Variants in PODXL observed in about 807,000 individuals in gnomAD.
The protein encoded by PODXL is podocalyxin.
Under a neutral mutation model 48.9 loss-of-function variants are expected in PODXL, and 20 were observed. The ratio of observed to expected loss-of-function variants is 0.41; its 90% confidence interval spans 0.29 to 0.59. The LOEUF is 0.59. Ranked by LOEUF, PODXL falls within the 20% of genes least tolerant of loss-of-function variation. The pLI is 0.31. For missense variants in PODXL, 606 were observed against 675.1 expected, an observed-to-expected ratio of 0.90 and a Z score of 1.13; for synonymous variants, 295 against 287.4, an observed-to-expected ratio of 1.03 and a Z score of -0.27.
At chr7:131,546,632 G>A (rs1466128589) in intron 1 of PODXL, among the ~76,000 whole-genome samples, 4 of 149,764 alleles carry the variant, frequency 2.7e-5, no homozygotes. Flanking sequence ...AAGCCGAGGT[G>A]AGAGGATCGC....
At chr7:131,536,762 A>T (rs1798381166) in intron 1 of PODXL, among the ~76,000 whole-genome samples, 1 of 152,108 alleles carries the variant, frequency 6.6e-6, no homozygotes, top group Non-Finnish European at 1.5e-5. Flanking sequence ...CTCAGTCAGG[A>T]GGTTCTCAGA....
At chr7:131,554,373 C>T (rs1798712432) in intron 1 of PODXL, among the ~76,000 whole-genome samples, 2 of 152,220 alleles carry the variant, frequency 1.3e-5, no homozygotes, top group African/African-American at 4.8e-5. Context: ...CTAAGTGCTT[C>T]CCAACAGTGC....
rs371937088 is a variant in PODXL, at chr7:131,536,533, A to T, written c.100+19727T>A. On this transcript the variant is annotated intron_variant, in intron 1 of 8. Coordinates refer to ENST00000378555, the MANE Select transcript of PODXL (RefSeq NM_001018111.3). Reference sequence around the variant, plus strand: ...CCTCGGGCCAGCAGCAGCTGGTGTCAGGGCTGGGGTAGAAGTCAGCCAGCA... The same window carrying T: ...CCTCGGGCCAGCAGCAGCTGGTGTCTGGGCTGGGGTAGAAGTCAGCCAGCA... 1.8e-3 allele frequency among the ~76,000 whole-genome samples: 278 copies of T among 152,328 alleles called. 10 individuals are homozygous for T. The South Asian group carries it at 0.056, about 30-fold the overall frequency.
chr7:131,511,474 G>A (rs1433392497), intron 1 of PODXL, 41 bp from the exon 2 acceptor site: 2 of 1,592,538 alleles, frequency 1.3e-6, no homozygotes, highest in African/African-American at 1.3e-5. Context: ...AGGGCTGGGA[G>A]GCTTCCTCAC....
rs113197187 is a variant in PODXL, at chr7:131,542,383, C to T, written c.100+13877G>A. On this transcript the variant is annotated intron_variant, in intron 1 of 8. Transcript: ENST00000378555. ...TTCAAAGTGGAAGGGAGGCTGGCTG[C>T]GGTGACTCACGCCTGTAATCCCAGC... Among the ~76,000 whole-genome samples, 888 of 152,290 alleles carry T rather than the reference C, an allele frequency of 5.8e-3. 3 individuals are homozygous for T. The highest frequency in any genetic ancestry group is 0.01 in the Middle Eastern group (3 of 294).
intron 1 of PODXL, among the ~76,000 whole-genome samples, chr7:131,529,968 G>C (rs1219784986): frequency 2.0e-5 from 1 of 50,904 alleles, no homozygotes; most frequent in Non-Finnish European, 7.5e-5. Context: ...CTTGCGCTGG[G>C]CCTCCCTAGG....
chr7:131,510,186 T>C (rs1357110181), intron 3 of PODXL, 50 bp downstream of exon 3: 3 of 442,264 alleles, frequency 6.8e-6, no homozygotes, highest in South Asian at 4.8e-5. Context: ...TTATAAATAA[T>C]AAGTAAGTAA....
intron 1 of PODXL, among the ~76,000 whole-genome samples, chr7:131,517,389 T>C (rs775899472): frequency 2.0e-4 from 31 of 152,192 alleles, no homozygotes; most frequent in Non-Finnish European, 4.3e-4. Context: ...TTCCTAGGTG[T>C]AGGGCCCGCA....
In PODXL at chr7:131,501,747, GCT is replaced by G. The variant is rs1562899649; in HGVS notation, c.*2562_*2563del. On this transcript the variant is annotated 3_prime_UTR_variant, in exon 9 of 9. Transcript: ENST00000378555. ...CCTCTTACCTCTTCCCAGACCCAAT[GCT>G]CTCTGAATTATCAGAGAGCATTTAG... 2 of 152,128 alleles carry G rather than the reference GCT, an allele frequency of 1.3e-5. No individual in the cohort carries two copies. The highest frequency in any genetic ancestry group is 4.8e-5 in the African/African-American group (2 of 41,416). 9.4% of individuals were successfully genotyped at this position (152,128 alleles called of 1,614,324 possible).
At chr7:131,523,068 T>C (rs13308125) in intron 1 of PODXL, among the ~76,000 whole-genome samples, 81,359 of 152,112 alleles carry the variant, frequency 0.53, 25,795 homozygotes, top group Admixed American at 0.69. Context: ...CTAGGTCATA[T>C]GGTAACTCTT....
intron 1 of PODXL, among the ~76,000 whole-genome samples, chr7:131,550,792 C>A (rs1798656773): frequency 1.3e-5 from 2 of 151,308 alleles, no homozygotes; most frequent in Admixed American, 6.6e-5. Flanking sequence ...CACGCACACA[C>A]ACACACACGC....
intron 1 of PODXL, among the ~76,000 whole-genome samples, chr7:131,552,807 G>A (rs1798688939): frequency 6.6e-6 from 1 of 152,124 alleles, no homozygotes; most frequent in South Asian, 2.1e-4. Context: ...TTTTCCTTGA[G>A]TCAGGGTCTC....
intron 1 of PODXL, among the ~76,000 whole-genome samples, chr7:131,539,145 C>T (rs1192463016): frequency 6.6e-6 from 1 of 152,188 alleles, no homozygotes; most frequent in African/African-American, 2.4e-5. Flanking sequence ...TGGCCACTCG[C>T]CCTGCCTTTA....
chr7:131,524,379 C>CACAGAGAGAGAGAGAGAGCG (rs746255906), intron 1 of PODXL, among the ~76,000 whole-genome samples: 1 of 104,052 alleles, frequency 9.6e-6, no homozygotes. Context: ...CACACACACA[C>CACAGAGAGAGAGAGAGAGCG]AGAGAGAGAG....
At chr7:131,507,350 ATCTTGGAGGGGG>A (rs1282745358) in intron 5 of PODXL, among the ~76,000 whole-genome samples, 1 of 152,160 alleles carries the variant, frequency 6.6e-6, no homozygotes, top group Non-Finnish European at 1.5e-5. Context: ...CCCCTAGGAT[ATCTTGGAGGGGG>A]TCTTATTTAG....
chr7:131,525,449 A>AAAG (rs1318654940), intron 1 of PODXL, among the ~76,000 whole-genome samples: 1 of 143,660 alleles, frequency 7.0e-6, no homozygotes, highest in Admixed American at 7.0e-5. Context: ...AAAAAAAAAA[A>AAAG]AAATACAAAA....
At chr7:131,507,173 G>A (rs991195452) in intron 5 of PODXL, among the ~76,000 whole-genome samples, 5 of 152,140 alleles carry the variant, frequency 3.3e-5, no homozygotes, top group East Asian at 1.9e-4. Context: ...TGCCCAGTTC[G>A]GAGAAATCAG....
chr7:131,530,308 C>G (rs1407856140), intron 1 of PODXL, among the ~76,000 whole-genome samples: 1 of 152,088 alleles, frequency 6.6e-6, no homozygotes, highest in African/African-American at 2.4e-5. Context: ...TCTCTGTTCA[C>G]TTGGCCAGGA....
chr7:131,509,112 T>C (rs1797864013), intron 4 of PODXL, 84 bp from the exon 5 acceptor site: 2 of 1,217,634 alleles, frequency 1.6e-6, no homozygotes. Context: ...GTGACCCAGA[T>C]AGGAAAGAGT....
Sources: gnomAD v4.1 joint callset for allele counts (sites outside exome capture counted in the v4.1 genomes callset) on GRCh38, gnomAD v4.1.1 for gene constraint, MANE v1.5 for transcripts, NCBI Gene and HGNC (gene_info 2026-07-23, HGNC 2026-07-21) for gene names.